CRYM: variants seen among roughly 807,000 people sequenced by gnomAD.
The protein encoded by CRYM is crystallin mu.
CRYM carries 18 observed loss-of-function variants against 32.9 expected under a neutral mutation model. The observed-to-expected ratio is 0.55, with a 90% CI of 0.38 to 0.81. The LOEUF (loss-of-function observed/expected upper bound fraction) is 0.81. Among genes scored for constraint, CRYM ranks in the 30% least tolerant of loss-of-function variants. CRYM has a pLI of 0.00. For synonymous variants in CRYM, 153 were observed against 152.4 expected, an observed-to-expected ratio of 1.00 and a Z score of -0.03; for missense variants, 337 against 393.5, an observed-to-expected ratio of 0.86 and a Z score of 1.21.
At chr16:21,281,515 G>A (rs1258298792), upstream of CRYM, among the ~76,000 whole-genome samples, 2 of 152,168 alleles carry the variant, frequency 1.3e-5, no homozygotes, top group African/African-American at 2.4e-5. Context: ...ACAGGCATGA[G>A]CCACCGTGCC....
At chr16:21,274,888 G>A (rs1454862756) in intron 3 of CRYM, among the ~76,000 whole-genome samples, 1 of 152,242 alleles carries the variant, frequency 6.6e-6, no homozygotes, top group African/African-American at 2.4e-5. Context: ...TTACAGGCGT[G>A]AGCCACTGTA....
chr16:21,274,389 T>C (rs902124062), intron 3 of CRYM, among the ~76,000 whole-genome samples: 27 of 152,190 alleles, frequency 1.8e-4, no homozygotes, highest in African/African-American at 6.0e-4. Context: ...TCTTGGATAA[T>C]GTAAAATGTG....
chr16:21,269,910 G>A lies in CRYM; in HGVS notation c.388-19C>T. 1 of 1,569,834 alleles carries A rather than the reference G, an allele frequency of 6.4e-7. No individual in the cohort carries two copies. Among genetic ancestry groups the A allele is most frequent in the Non-Finnish European group, 8.8e-7 (1 of 1,139,846 alleles). The stretch of plus-strand genomic sequence containing the variant: ...TCAGAAACTATATGAGAGAAATGAA[G>A]TGGCAAAGGTCAAGGGAGACCCTAG... On this transcript the variant is annotated intron_variant, in intron 3 of 7. Coordinates refer to ENST00000572914, the MANE Select transcript of CRYM (RefSeq NM_001376256.1).
chr16:21,295,393 T>C (rs920761415), intron 1 of CRYM, among the ~76,000 whole-genome samples: 5 of 152,230 alleles, frequency 3.3e-5, no homozygotes, highest in African/African-American at 1.2e-4. Context: ...TATCTCATTA[T>C]GGTTTTGATT....
rs202208810 is a variant in CRYM, at chr16:21,299,296, G to GT, written c.-193+3681dup. Among the ~76,000 whole-genome samples, 1,155 of 147,100 alleles carry GT rather than the reference G, an allele frequency of 7.9e-3. 12 individuals carry two copies. The highest frequency in any genetic ancestry group is 0.024 in the African/African-American group (980 of 40,300). ...GTCTCGTAGCAACATTAGGCTTTTAGTTTTTTTTTTTAATTTTTTTTTTAC... is the reference window on the plus strand; with the variant it reads ...GTCTCGTAGCAACATTAGGCTTTTAGTTTTTTTTTTTTAATTTTTTTTTTAC... On this transcript the variant is annotated intron_variant, in intron 1 of 9. Coordinates refer to the CRYM transcript ENST00000219599.
chr16:21,290,565 C>A (rs76092777), intron 1 of CRYM, among the ~76,000 whole-genome samples: 11,650 of 152,228 alleles, frequency 0.077, 1,024 homozygotes, highest in East Asian at 0.43. Context: ...CCAATTCTGG[C>A]CACAAAAGCA....
intron 6 of CRYM, 129 bp from the exon 7 acceptor site, chr16:21,261,467 G>A (rs1426143945): frequency 1.7e-5 from 12 of 701,174 alleles, no homozygotes; most frequent in Non-Finnish European, 2.5e-5. Flanking sequence ...AAAAAAAAGA[G>A]AGAGATCCTT....
intron 7 of CRYM, among the ~76,000 whole-genome samples, 156 bp from the exon 8 acceptor site, chr16:21,259,001 T>C (rs758279165): frequency 3.9e-5 from 6 of 152,188 alleles, no homozygotes; most frequent in Non-Finnish European, 8.8e-5. Context: ...CAGGCTTCAA[T>C]TGTCTGCAAA....
intron 1 of CRYM, among the ~76,000 whole-genome samples, chr16:21,285,789 G>T (rs750857344): frequency 6.6e-5 from 10 of 152,108 alleles, no homozygotes; most frequent in Non-Finnish European, 1.2e-4. Flanking sequence ...GCCCACAAAG[G>T]TATATTTACC....
intron 1 of CRYM, among the ~76,000 whole-genome samples, chr16:21,301,685 G>A (rs533011912): frequency 6.6e-6 from 1 of 152,300 alleles, no homozygotes; most frequent in South Asian, 2.1e-4. Flanking sequence ...CCTGCCTTCC[G>A]CACCGCTGAC....
chr16:21,271,387 G>T (rs1221818252), intron 3 of CRYM, among the ~76,000 whole-genome samples: 1 of 152,160 alleles, frequency 6.6e-6, no homozygotes, highest in Non-Finnish European at 1.5e-5. Flanking sequence ...AGTAAACTTT[G>T]AGTTCCCTGT....
At chr16:21,270,609 A>G (rs1008672045) in intron 3 of CRYM, among the ~76,000 whole-genome samples, 5 of 152,182 alleles carry the variant, frequency 3.3e-5, no homozygotes, top group Non-Finnish European at 7.3e-5. Context: ...TGAAGGGCAC[A>G]GTGTGGCTCT....
chr16:21,283,983 C>G (rs973252045), intron 1 of CRYM: 2 of 152,364 alleles, frequency 1.3e-5, no homozygotes, highest in Non-Finnish European at 2.9e-5. Context: ...GCTCGGGAGC[C>G]CCGGCCAGCC....
intron 3 of CRYM, among the ~76,000 whole-genome samples, chr16:21,274,877 A>G (rs1302731011): frequency 2.0e-5 from 3 of 152,160 alleles, no homozygotes; most frequent in Non-Finnish European, 4.4e-5. Context: ...AAATGTTGGG[A>G]TTACAGGCGT....
intron 1 of CRYM, among the ~76,000 whole-genome samples, chr16:21,290,304 G>T (rs531999870): frequency 6.6e-6 from 1 of 152,104 alleles, no homozygotes; most frequent in African/African-American, 2.4e-5. Context: ...GTGAGACCAC[G>T]AACCCACCGG....
intron 7 of CRYM, among the ~76,000 whole-genome samples, chr16:21,260,146 C>T (rs970306570): frequency 7.9e-5 from 12 of 152,142 alleles, no homozygotes; most frequent in Non-Finnish European, 2.9e-5. Flanking sequence ...GCTCCTGATG[C>T]TCTGCCAGGC....
In CRYM at chr16:21,261,829, G is replaced by A. The variant is rs530124483; in HGVS notation, c.795+208C>T. 6.9e-6 allele frequency: 4 copies of A among 577,448 alleles called. No homozygotes were observed. The East Asian group carries it at 9.2e-5, about 13-fold the overall frequency. 35.8% of individuals were successfully genotyped at this position (577,448 alleles called of 1,614,324 possible). On this transcript the variant is annotated intron_variant, in intron 6 of 7. Coordinates refer to ENST00000572914, the MANE Select transcript of CRYM (RefSeq NM_001376256.1). Reference sequence around the variant, plus strand: ...AAATCCACTGAGCTTCTCCTTCCAGGAACACACATGTCACCACCCATAATG... The same window carrying A: ...AAATCCACTGAGCTTCTCCTTCCAGAAACACACATGTCACCACCCATAATG...
upstream of CRYM, among the ~76,000 whole-genome samples, chr16:21,282,166 C>A (rs980236543): frequency 2.0e-4 from 31 of 152,204 alleles, no homozygotes; most frequent in African/African-American, 7.2e-4. Flanking sequence ...TTGCCCTGCA[C>A]AAGCTCTCTC....
intron 5 of CRYM, among the ~76,000 whole-genome samples, chr16:21,266,159 G>A (rs2093363340): frequency 6.6e-6 from 1 of 152,128 alleles, no homozygotes; most frequent in Non-Finnish European, 1.5e-5. Flanking sequence ...GGGAGGTGGA[G>A]GTTGCAGTGA....
Sources: allele counts gnomAD v4.1 joint callset (sites outside exome capture counted in the v4.1 genomes callset), GRCh38; gene constraint gnomAD v4.1.1; transcripts MANE v1.5; gene names NCBI Gene and HGNC (gene_info 2026-07-23, HGNC 2026-07-21).